The following SORCS1 variants were observed in gnomAD, a reference collection of about 807,000 sequenced individuals.
SORCS1 encodes the protein VPS10 domain-containing receptor SorCS1.
In SORCS1, 60 loss-of-function variants were observed where a neutral mutation model predicts 146.1. That is an observed-to-expected ratio of 0.41 (90% confidence interval 0.33 to 0.51). The LOEUF is 0.51. SORCS1 is among the 20% of genes least tolerant of loss of function. The pLI is 0.21. For missense variants in SORCS1, 1,352 were observed against 1,487.6 expected, an observed-to-expected ratio of 0.91 and a Z score of 1.50; for synonymous variants, 637 against 584.0, an observed-to-expected ratio of 1.09 and a Z score of -1.31.
intron 2 of SORCS1, among the ~76,000 whole-genome samples, chr10:106,939,006 T>C (rs893862549): frequency 6.6e-6 from 1 of 152,212 alleles, no homozygotes; most frequent in Non-Finnish European, 1.5e-5. Context: ...AAACGTCCCA[T>C]GTAATGTAGA....
intron 2 of SORCS1, among the ~76,000 whole-genome samples, chr10:106,841,523 TAC>T (rs892597558): frequency 1.3e-5 from 2 of 152,138 alleles, no homozygotes; most frequent in Non-Finnish European, 2.9e-5. Context: ...ATAATGCTAT[TAC>T]ACACTTAATA....
intron 4 of SORCS1, among the ~76,000 whole-genome samples, chr10:106,761,923 G>C (rs942037411): frequency 6.6e-6 from 1 of 152,224 alleles, no homozygotes; most frequent in African/African-American, 2.4e-5. Context: ...TCAAAGAAGT[G>C]GTTGAATGAA....
chr10:106,626,008 C>T (rs750150189), intron 19 of SORCS1, among the ~76,000 whole-genome samples: 47 of 152,142 alleles, frequency 3.1e-4, no homozygotes, highest in Non-Finnish European at 4.7e-4. Context: ...GATTACCAGG[C>T]GCCCAGCAAG....
chr10:106,784,351 C>T (rs1167018867), intron 3 of SORCS1, among the ~76,000 whole-genome samples: 3 of 149,948 alleles, frequency 2.0e-5, no homozygotes, highest in African/African-American at 2.5e-5. Context: ...GCCAAGATCG[C>T]GCCACTGCTC....
intron 21 of SORCS1, among the ~76,000 whole-genome samples, chr10:106,613,462 T>G (rs1369241751): frequency 6.6e-6 from 1 of 152,162 alleles, no homozygotes; most frequent in Non-Finnish European, 1.5e-5. Context: ...TCCCCTGCGT[T>G]CCAGGAATGG....
chr10:106,722,667 CCT>C (rs1465588053), intron 6 of SORCS1, among the ~76,000 whole-genome samples: 1 of 152,122 alleles, frequency 6.6e-6, no homozygotes, highest in Non-Finnish European at 1.5e-5. Flanking sequence ...TCCCCTGTCC[CCT>C]GTTCCTGCTG....
chr10:106,663,842 G>C (rs1850923161), intron 17 of SORCS1, among the ~76,000 whole-genome samples: 1 of 152,142 alleles, frequency 6.6e-6, no homozygotes, highest in Non-Finnish European at 1.5e-5. Context: ...CTGATCAGTG[G>C]GGTTATTATT....
chr10:106,658,145 G>A (rs1850446977), intron 17 of SORCS1, among the ~76,000 whole-genome samples: 1 of 151,994 alleles, frequency 6.6e-6, no homozygotes, highest in African/African-American at 2.4e-5. Flanking sequence ...GTAAAGTTCA[G>A]GTTTAAAGTA....
At chr10:106,978,954 A>G (rs1325031904) in intron 1 of SORCS1, among the ~76,000 whole-genome samples, 2 of 152,192 alleles carry the variant, frequency 1.3e-5, no homozygotes, top group Non-Finnish European at 2.9e-5. Flanking sequence ...CTTTATTTAC[A>G]AAACAGGCAA....
chr10:106,996,536 G>C (rs1328237), intron 1 of SORCS1, among the ~76,000 whole-genome samples: 1 of 152,166 alleles, frequency 6.6e-6, no homozygotes, highest in Non-Finnish European at 1.5e-5. Flanking sequence ...AGGATCCTTA[G>C]AAATCAGTTA....
rs578073057 is a variant in SORCS1, at chr10:106,753,069, T to A, written c.959+8519A>T. 3.3e-5 allele frequency among the ~76,000 whole-genome samples: 5 copies of A among 151,734 alleles called. No homozygotes were observed. The East Asian group carries it at 9.7e-4, about 29-fold the overall frequency. On this transcript the variant is annotated intron_variant, in intron 5 of 25. Transcript: ENST00000263054. ...TTTGAGTAAGAGATGAGGCAGAGTA[T>A]CTTGGAAAAAAAAAAAGCCATACCC...
At chr10:107,085,836 C>A (rs572431094) in intron 1 of SORCS1, among the ~76,000 whole-genome samples, 1 of 152,124 alleles carries the variant, frequency 6.6e-6, no homozygotes, top group Non-Finnish European at 1.5e-5. Flanking sequence ...TTTTGTATTA[C>A]GCCGAGGCAA....
At chr10:106,585,079 C>A (rs571948100) in intron 24 of SORCS1, among the ~76,000 whole-genome samples, 4 of 152,054 alleles carry the variant, frequency 2.6e-5, no homozygotes, top group African/African-American at 7.2e-5. Flanking sequence ...AAAAAATTAG[C>A]CAGGCATGGT....
At chr10:107,139,580 G>A (rs1967625058) in intron 1 of SORCS1, among the ~76,000 whole-genome samples, 1 of 152,080 alleles carries the variant, frequency 6.6e-6, no homozygotes, top group Non-Finnish European at 1.5e-5. Flanking sequence ...ATTCTCAAAG[G>A]TATAGTCAGG....
chr10:106,904,991 C>T (rs879578469), intron 2 of SORCS1, among the ~76,000 whole-genome samples: 23 of 152,102 alleles, frequency 1.5e-4, no homozygotes, highest in Non-Finnish European at 2.4e-4. Context: ...CTGTCAAAAA[C>T]GGAATATAAC....
At chr10:106,711,924 G>A (rs573040733) in intron 6 of SORCS1, among the ~76,000 whole-genome samples, 40 of 152,270 alleles carry the variant, frequency 2.6e-4, no homozygotes, top group African/African-American at 8.9e-4. Context: ...TAGCTTGGGG[G>A]TCATAGAAAC....
intron 2 of SORCS1, among the ~76,000 whole-genome samples, chr10:106,869,959 A>G (rs1309385457): frequency 2.1e-5 from 3 of 143,086 alleles, no homozygotes; most frequent in African/African-American, 7.3e-5. Flanking sequence ...TTTTGGCCCC[A>G]AAGCTCCTTC....
chr10:107,091,532 G>A (rs188778172), intron 1 of SORCS1, among the ~76,000 whole-genome samples: 1 of 152,332 alleles, frequency 6.6e-6, no homozygotes, highest in East Asian at 1.9e-4. Flanking sequence ...AACTTGGGAA[G>A]ATGAATGGAG....
intron 4 of SORCS1, among the ~76,000 whole-genome samples, chr10:106,773,497 A>C (rs886385482): frequency 6.6e-6 from 1 of 152,154 alleles, no homozygotes. Context: ...TCAAGCCTTG[A>C]GATACGGAGG....
Sources: allele counts gnomAD v4.1 joint callset (sites outside exome capture counted in the v4.1 genomes callset), GRCh38; gene constraint gnomAD v4.1.1; transcripts MANE v1.5; gene names NCBI Gene and HGNC (gene_info 2026-07-23, HGNC 2026-07-21).